BMPR1B: variants seen among roughly 807,000 people sequenced by gnomAD.
The protein encoded by BMPR1B is bone morphogenetic protein receptor type-1B.
BMPR1B carries 12 observed loss-of-function variants against 59.1 expected under a neutral mutation model. That is an observed-to-expected ratio of 0.20 (90% CI 0.13 to 0.33). The LOEUF (loss-of-function observed/expected upper bound fraction) is 0.33. Ranked by LOEUF, BMPR1B falls within the 10% of genes least tolerant of loss-of-function variation. BMPR1B has a pLI of 1.00. For missense variants in BMPR1B, 550 were observed against 610.9 expected, an observed-to-expected ratio of 0.90 and a Z score of 1.05; for synonymous variants, 237 against 207.3, an observed-to-expected ratio of 1.14 and a Z score of -1.23.
chr4:95,125,343 C>T (rs556713127), intron 8 of BMPR1B, among the ~76,000 whole-genome samples: 12 of 152,236 alleles, frequency 7.9e-5, no homozygotes, highest in African/African-American at 2.9e-4. Context: ...AATCCAGACC[C>T]TCAGACATTC....
chr4:94,942,397 CAT>C (rs1283477378), intron 2 of BMPR1B, among the ~76,000 whole-genome samples: 4 of 152,128 alleles, frequency 2.6e-5, no homozygotes, highest in South Asian at 2.1e-4. Flanking sequence ...TGACTGAGAA[CAT>C]GTGTGACTAT....
intron 1 of BMPR1B, among the ~76,000 whole-genome samples, chr4:94,853,174 A>T (rs1197282576): frequency 6.6e-6 from 1 of 152,136 alleles, no homozygotes; most frequent in African/African-American, 2.4e-5. Flanking sequence ...TTTATTACTT[A>T]AAAAAGCAAC....
intron 2 of BMPR1B, among the ~76,000 whole-genome samples, chr4:94,922,974 C>T (rs530329313): frequency 7.4e-4 from 113 of 152,132 alleles, no homozygotes; most frequent in Non-Finnish European, 1.4e-3. Flanking sequence ...GGATAGAGTG[C>T]TCACCATTGC....
intron 1 of BMPR1B, among the ~76,000 whole-genome samples, chr4:94,826,375 G>GTTTTAAA (rs70946554): frequency 0.26 from 39,574 of 151,784 alleles, 5,436 homozygotes; most frequent in East Asian, 0.4. Context: ...CTTTCACCAT[G>GTTTTAAA]TTTTAAAGCT....
At chr4:94,921,892 GA>G (rs552380434) in intron 2 of BMPR1B, among the ~76,000 whole-genome samples, 2 of 152,130 alleles carry the variant, frequency 1.3e-5, no homozygotes, top group East Asian at 3.9e-4. Flanking sequence ...ATCTTTAAAA[GA>G]AGATCCTAAT....
At chr4:94,776,577 C>T (rs145071199) in intron 1 of BMPR1B, among the ~76,000 whole-genome samples, 7 of 152,244 alleles carry the variant, frequency 4.6e-5, no homozygotes, top group Non-Finnish European at 8.8e-5. Context: ...CTTGTATATG[C>T]GTTTTAGTTG....
At chr4:94,848,036 C>T (rs903626938) in intron 1 of BMPR1B, among the ~76,000 whole-genome samples, 2 of 151,946 alleles carry the variant, frequency 1.3e-5, no homozygotes, top group African/African-American at 4.8e-5. Context: ...TCATGTACTC[C>T]ATAAATGTAT....
At chr4:94,787,208 A>C (rs1030644056) in intron 1 of BMPR1B, among the ~76,000 whole-genome samples, 1 of 151,710 alleles carries the variant, frequency 6.6e-6, no homozygotes, top group Non-Finnish European at 1.5e-5. Context: ...ATTGACATAT[A>C]CTCCACGTAG....
At chr4:94,949,651 A>C (rs1225536699) in intron 2 of BMPR1B, among the ~76,000 whole-genome samples, 1 of 151,164 alleles carries the variant, frequency 6.6e-6, no homozygotes, top group African/African-American at 2.4e-5. Flanking sequence ...ATAGTATTTC[A>C]TGTGTATATG....
chr4:95,071,652 G>A (rs7689580), intron 3 of BMPR1B, among the ~76,000 whole-genome samples: 23,467 of 81,450 alleles, frequency 0.29, 4,000 homozygotes, highest in African/African-American at 0.51. Context: ...GTGTGTGTGT[G>A]TATATATATA....
intron 2 of BMPR1B, among the ~76,000 whole-genome samples, chr4:94,979,654 T>C (rs1442037171): frequency 6.6e-6 from 1 of 152,222 alleles, no homozygotes; most frequent in East Asian, 1.9e-4. Context: ...TATTGACAGA[T>C]TGTCCCAGTG....
At chr4:95,055,205 A>G (rs1480343804) in intron 3 of BMPR1B, among the ~76,000 whole-genome samples, 1 of 152,162 alleles carries the variant, frequency 6.6e-6, no homozygotes, top group African/African-American at 2.4e-5. Context: ...TTGCCAGGCC[A>G]TATTCCATAG....
intron 2 of BMPR1B, among the ~76,000 whole-genome samples, chr4:94,972,932 G>T (rs998968713): frequency 1.3e-5 from 2 of 152,082 alleles, no homozygotes; most frequent in Non-Finnish European, 2.9e-5. Context: ...GGGAGTGTGT[G>T]AGCAAACGAG....
rs1397261321 is a variant in BMPR1B at position 95,158,284 on chromosome 4, C to T, written c.*3611C>T. ...TTTCGTTGTCTGTTTCACAAGAAGACTCATTTGTTCTTTTGGGGGAACCAG... is the reference window on the plus strand; with the variant it reads ...TTTCGTTGTCTGTTTCACAAGAAGATTCATTTGTTCTTTTGGGGGAACCAG... On this transcript the variant is annotated 3_prime_UTR_variant, in exon 13 of 13. Transcript: ENST00000515059. The T allele has an allele frequency of 6.6e-6, 1 of 152,094 alleles. No homozygotes were observed. The highest frequency in any genetic ancestry group is 2.4e-5 in the African/African-American group (1 of 41,408). 9.4% of individuals were successfully genotyped at this position (152,094 alleles called of 1,614,324 possible). A position where few individuals can be genotyped will look rare whatever the true frequency, so the allele number is the denominator to read the frequency against.
intron 1 of BMPR1B, among the ~76,000 whole-genome samples, chr4:94,775,871 C>T (rs1210378757): frequency 2.0e-5 from 3 of 152,122 alleles, no homozygotes; most frequent in Non-Finnish European, 4.4e-5. Context: ...GCGGGCAGAT[C>T]GTGAGGACAG....
intron 3 of BMPR1B, among the ~76,000 whole-genome samples, chr4:95,041,612 T>TG (rs1725658645): frequency 6.4e-5 from 1 of 15,680 alleles, no homozygotes; most frequent in Non-Finnish European, 1.0e-4. Flanking sequence ...CTGAATGGAC[T>TG]TTTTTTTTTT....
chr4:94,856,634 T>C (rs934999908), intron 1 of BMPR1B, among the ~76,000 whole-genome samples: 4 of 152,238 alleles, frequency 2.6e-5, no homozygotes, highest in Non-Finnish European at 4.4e-5. Context: ...TAACTCTTCA[T>C]ATCTTTCTAC....
In BMPR1B at chr4:94,921,359, G is replaced by T. The variant is rs149135954; in HGVS notation, c.-113+45459G>T. Among the ~76,000 whole-genome samples, 1,191 of 152,224 alleles carry T rather than the reference G, an allele frequency of 7.8e-3. 14 individuals are homozygous for T. Among genetic ancestry groups the T allele is most frequent in the African/African-American group, 0.027 (1,124 of 41,532 alleles). The stretch of plus-strand genomic sequence containing the variant: ...AGTTCTTGCATTGCTAGAAAGAAAT[G>T]CCTGAGACTGGGTAATTTATAAATA... On this transcript the variant is annotated intron_variant, in intron 2 of 12. Coordinates refer to ENST00000515059, the MANE Select transcript of BMPR1B (RefSeq NM_001203.3).
chr4:94,793,352 A>C (rs1337072798), intron 1 of BMPR1B, among the ~76,000 whole-genome samples: 3 of 151,448 alleles, frequency 2.0e-5, no homozygotes, highest in Non-Finnish European at 4.4e-5. Context: ...TGAACTCATC[A>C]TTTTTTATGG....
Sources: allele counts gnomAD v4.1 joint callset (sites outside exome capture counted in the v4.1 genomes callset), GRCh38; gene constraint gnomAD v4.1.1; transcripts MANE v1.5; gene names NCBI Gene and HGNC (gene_info 2026-07-23, HGNC 2026-07-21).